The following TRIM11 variants were observed in gnomAD, a reference collection of about 807,000 sequenced individuals.
The protein encoded by TRIM11 is E3 ubiquitin-protein ligase TRIM11.
Under a neutral mutation model 33.4 loss-of-function variants are expected in TRIM11, and 15 were observed. That is an observed-to-expected ratio of 0.45 (90% CI 0.30 to 0.69). TRIM11 has a LOEUF of 0.69. Ranked by LOEUF, TRIM11 falls within the 30% of genes least tolerant of loss-of-function variation. The probability of loss-of-function intolerance (pLI) is 0.08; values close to 1 mark genes in which losing one functional copy is unlikely to be tolerated. For synonymous variants in TRIM11, 281 were observed against 302.6 expected (o/e 0.93, Z 0.74); for missense variants, 499 against 667.6 (o/e 0.75, Z 2.78).
intron 5 of TRIM11, chr1:228,396,622 G>C: frequency 1.5e-6 from 1 of 688,130 alleles, no homozygotes; most frequent in Non-Finnish European, 2.7e-6. Flanking sequence ...CATCTGAAGT[G>C]GGGGCAGTCT....
chr1:228,406,241 C>A lies in TRIM11; in HGVS notation c.321G>T (p.Leu107=). Residue 107 remains leucine, a synonymous_variant, in exon 1 of 6, where the codon CTG becomes CTT. Transcript: ENST00000284551. The surrounding 1 kb of genome is among the most constrained non-coding windows in gnomAD (Gnocchi z 8.2). ...GCTCGCAGGCCGCACACAGGAGGCGCAGCTCGTCGCCACAGAAGGCGGCCA... is the reference window on the plus strand; with the variant it reads ...GCTCGCAGGCCGCACACAGGAGGCGAAGCTCGTCGCCACAGAAGGCGGCCA... ...EPLAAFCGDE[L]RLLCAACERS... 5.3e-6 allele frequency: 8 copies of A among 1,496,240 alleles called. No homozygotes were observed. Among genetic ancestry groups the A allele is most frequent in the Non-Finnish European group, 7.1e-6 (8 of 1,130,508 alleles). 92.7% of individuals were successfully genotyped at this position (1,496,240 alleles called of 1,614,324 possible).
chr1:228,399,368 A>T (rs369118918), intron 3 of TRIM11, among the ~76,000 whole-genome samples: 39 of 152,148 alleles, frequency 2.6e-4, no homozygotes, highest in African/African-American at 8.7e-4. Flanking sequence ...GCCAGGCCAA[A>T]CCTGGGCAGG....
rs2074962146 is a variant in TRIM11, at chr1:228,394,676, G to A, written c.*29C>T. The A allele has an allele frequency of 1.3e-6, 2 of 1,553,974 alleles. No homozygotes were observed. The highest frequency in any genetic ancestry group is 1.9e-5 in the Admixed American group (1 of 52,942). On this transcript the variant is annotated 3_prime_UTR_variant, in exon 6 of 6. Transcript: ENST00000284551. This position sits in a 1 kb window ranked among gnomAD's most constrained non-coding sequence, Gnocchi z 6.2. Reference sequence around the variant, plus strand: ...TCAGTGGCCTGGAGGGGCAGGAGAGGCAACAGGACTCCTCCAGGAGGGCCC... The same window carrying A: ...TCAGTGGCCTGGAGGGGCAGGAGAGACAACAGGACTCCTCCAGGAGGGCCC...
In TRIM11 at chr1:228,399,180, G is replaced by A. The variant is rs144878067; in HGVS notation, c.735+1784C>T. Among the ~76,000 whole-genome samples the A allele has an allele frequency of 4.8e-3, 724 of 152,172 alleles. 5 individuals are homozygous for A. The highest frequency in any genetic ancestry group is 0.017 in the African/African-American group (686 of 41,506). ...CCGGGTTGGGTTCCCCTACCCAACC[G>A]GGGGCCAAGGGTGCAAAGCCATCCC... On this transcript the variant is annotated intron_variant, in intron 3 of 5. Transcript: ENST00000284551.
chr1:228,397,906 G>C (rs2075000778), intron 3 of TRIM11, among the ~76,000 whole-genome samples: 1 of 152,170 alleles, frequency 6.6e-6, no homozygotes, highest in African/African-American at 2.4e-5. Flanking sequence ...GAGGATACAG[G>C]GAAGAAAAGG....
rs778207950 is a variant in TRIM11 at position 228,401,057 on chromosome 1, G to A, written c.642C>T (p.Gly214=). The change falls in exon 3 of 6, where the codon GGC becomes GGT. Residue 214 remains glycine, a synonymous_variant. Coordinates refer to ENST00000284551, the MANE Select transcript of TRIM11 (RefSeq NM_145214.3). This position sits in a 1 kb window ranked among gnomAD's most constrained non-coding sequence, Gnocchi z 6.1. The part of the protein sequence containing the change: ...ELEVLPRLRE[G]AAHLGQQSAH... ...CGCTCTGCTGGCCTAGGTGGGCTGC[G>A]CCCTCCCGCAGCCGGGGCAGCACCT... The A allele has an allele frequency of 5.6e-6, 9 of 1,612,610 alleles. No individual in the cohort carries two copies. Among genetic ancestry groups the A allele is most frequent in the Middle Eastern group, 1.7e-4 (1 of 6,054 alleles).
At position 228,401,807 on chromosome 1, in the gene TRIM11, A is replaced by G. The variant is rs756882946; in HGVS notation, c.504+259T>C. Reference sequence around the variant, plus strand: ...AGGGCCCAGACCCTAAATACACCTGAGAGTTGCCACCCAAGCATGCTGGGA... The same window carrying G: ...AGGGCCCAGACCCTAAATACACCTGGGAGTTGCCACCCAAGCATGCTGGGA... On this transcript the variant is annotated intron_variant, in intron 2 of 5. Transcript: ENST00000284551. This position sits in a 1 kb window ranked among gnomAD's most constrained non-coding sequence, Gnocchi z 6.1. 9.2e-5 allele frequency among the ~76,000 whole-genome samples: 14 copies of G among 152,162 alleles called. No individual in the cohort carries two copies. The highest frequency in any genetic ancestry group is 1.6e-4 in the Non-Finnish European group (11 of 68,030).
intron 3 of TRIM11, among the ~76,000 whole-genome samples, chr1:228,399,922 G>GA (rs1656124140): frequency 6.9e-6 from 1 of 144,664 alleles, no homozygotes; most frequent in Non-Finnish European, 1.5e-5. Flanking sequence ...CAAAAAAACA[G>GA]AAAAAAGCTT....
At chr1:228,398,719 G>A (rs904792530) in intron 3 of TRIM11, among the ~76,000 whole-genome samples, 8 of 152,198 alleles carry the variant, frequency 5.3e-5, no homozygotes, top group Non-Finnish European at 1.0e-4. Context: ...CAGGGTGAGG[G>A]AGGGGTGTGC....
Position 228,400,364 on chromosome 1 carries a change from T to C in TRIM11, c.735+600A>G, listed in dbSNP as rs116087187. On this transcript the variant is annotated intron_variant, in intron 3 of 5. Transcript: ENST00000284551. This position sits in a 1 kb window ranked among gnomAD's most constrained non-coding sequence, Gnocchi z 4.5. ...AGAGCTGACTCCAGGCCCCCTGACC[T>C]GCCGCCAGGCCACAGGCCAGGGCGT... Among the ~76,000 whole-genome samples the C allele has an allele frequency of 0.018, 2,751 of 152,314 alleles. 85 individuals are homozygous for C. The highest frequency in any genetic ancestry group is 0.059 in the African/African-American group (2,467 of 41,572).
chr1:228,401,702 A>G lies in TRIM11; in HGVS notation c.504+364T>C, dbSNP rs1453734036. On this transcript the variant is annotated intron_variant, in intron 2 of 5. Coordinates refer to ENST00000284551, the MANE Select transcript of TRIM11 (RefSeq NM_145214.3). This position sits in a 1 kb window ranked among gnomAD's most constrained non-coding sequence, Gnocchi z 6.1. Reference sequence around the variant, plus strand: ...GACCCCAAATCTACCCCAGAACTGGACAGATCCCAAATCTACTCCTCAGGA... The same window carrying G: ...GACCCCAAATCTACCCCAGAACTGGGCAGATCCCAAATCTACTCCTCAGGA... Among the ~76,000 whole-genome samples, 2 of 151,986 alleles carry G rather than the reference A, an allele frequency of 1.3e-5. No individual in the cohort carries two copies. Among genetic ancestry groups the G allele is most frequent in the East Asian group, 3.9e-4 (2 of 5,166 alleles).
intron 3 of TRIM11, chr1:228,397,530 G>C: frequency 3.9e-6 from 1 of 255,250 alleles, no homozygotes; most frequent in African/African-American, 2.2e-5. Context: ...CCAGCCTTCA[G>C]CATAGGGGCA....
chr1:228,395,358 GCT>G lies in TRIM11; in HGVS notation c.860-108_860-107del, dbSNP rs1366979608. 4 of 1,264,308 alleles carry G rather than the reference GCT, an allele frequency of 3.2e-6. No individual in the cohort carries two copies. In the African/African-American group the frequency reaches 6.0e-5, roughly 19 times the overall value. The allele number at this position is 1,264,308 out of a possible 1,614,324, so 78.3% of individuals were successfully genotyped here. A position where few individuals can be genotyped will look rare whatever the true frequency, so the allele number is the denominator to read the frequency against. On this transcript the variant is annotated intron_variant, in intron 5 of 5. Transcript: ENST00000284551. This position sits in a 1 kb window ranked among gnomAD's most constrained non-coding sequence, Gnocchi z 4.8. ...ACAATCCTCCCAGTCGGACGGCCTG[GCT>G]CTCTGCCCTGGGCCTGTAGCCTCAC...
At chr1:228,397,099 C>T in intron 4 of TRIM11, 44 bp downstream of exon 4, 1 of 1,613,888 alleles carries the variant, frequency 6.2e-7, no homozygotes, top group South Asian at 1.1e-5. Flanking sequence ...TGGGTCCCAC[C>T]CCACTCCCTC....
rs1202139709 is a variant in TRIM11 at position 228,399,895 on chromosome 1, A to C, written c.735+1069T>G. On this transcript the variant is annotated intron_variant, in intron 3 of 5. Coordinates refer to ENST00000284551, the MANE Select transcript of TRIM11 (RefSeq NM_145214.3). ...TTAAATCTACAAAAAAAAAAACAAA[A>C]AAAAAAAAACAAAAAACAAAAAAAC... Among the ~76,000 whole-genome samples the C allele has an allele frequency of 1.1e-4, 16 of 151,830 alleles. 1 individual carries two copies. The highest frequency in any genetic ancestry group is 2.6e-4 in the Admixed American group (4 of 15,266).
Position 228,406,437 on chromosome 1 carries a change from C to G in TRIM11, c.125G>C (p.Arg42Pro), listed in dbSNP as rs750040908. 1 of 1,586,808 alleles carries G rather than the reference C, an allele frequency of 6.3e-7. No individual in the cohort carries two copies. The highest frequency in any genetic ancestry group is 2.3e-5 in the East Asian group (1 of 42,670). The stretch of plus-strand genomic sequence containing the variant: ...CGGGCCCTCGGGCTGGCCCCAGCAG[C>G]GCCGGATGCACTCGCGGCAGAAGTT... ...GHNFCRECIRRCWGQPEGPYA... is the reference protein window; with the variant it reads ...GHNFCRECIRPCWGQPEGPYA... Residue 42 changes from arginine to proline, a missense_variant, in exon 1 of 6, where the codon CGC (arginine) becomes CCC (proline). Physicochemically the swap from Arg to Pro is moderately radical, Grantham distance 103. Transcript: ENST00000284551. The surrounding 1 kb of genome is among the most constrained non-coding windows in gnomAD (Gnocchi z 8.2).
chr1:228,403,529 C>G lies in TRIM11; in HGVS notation c.409-1368G>C, dbSNP rs1656301835. The G allele has an allele frequency of 6.6e-6, 1 of 152,450 alleles. No individual in the cohort carries two copies. Among genetic ancestry groups the G allele is most frequent in the African/African-American group, 2.4e-5 (1 of 41,478 alleles). 9.4% of individuals were successfully genotyped at this position (152,450 alleles called of 1,614,324 possible). A position where few individuals can be genotyped will look rare whatever the true frequency, so the allele number is the denominator to read the frequency against. ...AATGGCGGTCCCTGTCCCCAGGCCT[C>G]TCTCCTCACTGCTGCCGACCTGTTC... On this transcript the variant is annotated intron_variant, in intron 1 of 5. Transcript: ENST00000284551. The surrounding 1 kb of genome is among the most constrained non-coding windows in gnomAD (Gnocchi z 4.8).
intron 3 of TRIM11, among the ~76,000 whole-genome samples, chr1:228,399,159 G>A (rs550458126): frequency 3.3e-5 from 5 of 152,210 alleles, no homozygotes; most frequent in East Asian, 1.9e-4. Context: ...GGGAACCCGG[G>A]TTGGGTTCCC....
At chr1:228,396,697 C>G in intron 5 of TRIM11, 1 of 717,690 alleles carries the variant, frequency 1.4e-6, no homozygotes, top group East Asian at 2.7e-5. Flanking sequence ...ACTGGCAATT[C>G]TGTTCAATGC....
Sources: gnomAD v4.1 joint callset for allele counts (sites outside exome capture counted in the v4.1 genomes callset) on GRCh38, gnomAD v4.1.1 for gene constraint, Gnocchi (gnomAD v3.1) non-coding constraint, MANE v1.5 for transcripts, NCBI Gene and HGNC (gene_info 2026-07-23, HGNC 2026-07-21) for gene names.